The following SCG5 variants were observed in gnomAD, a reference collection of about 807,000 sequenced individuals.
SCG5 encodes the protein secretogranin V, also known as neuroendocrine protein 7B2.
Under a neutral mutation model 25.7 loss-of-function variants are expected in SCG5, and 18 were observed. The observed-to-expected ratio is 0.70, with a 90% confidence interval of 0.48 to 1.04. SCG5 has a LOEUF of 1.04. Ranked by LOEUF, SCG5 falls within the 50% of genes least tolerant of loss-of-function variation. The probability of loss-of-function intolerance (pLI) is 0.00; values close to 1 mark genes in which losing one functional copy is unlikely to be tolerated. For missense variants in SCG5, 206 were observed against 259.8 expected, an observed-to-expected ratio of 0.79 and a Z score of 1.42; for synonymous variants, 101 against 91.7, an observed-to-expected ratio of 1.10 and a Z score of -0.58.
chr15:32,672,855 A>T (rs1475305750), intron 2 of SCG5: 1 of 150,712 alleles, frequency 6.6e-6, no homozygotes, highest in Non-Finnish European at 1.5e-5. Flanking sequence ...TACTGACCTC[A>T]CTAGGACGTT....
At chr15:32,686,357 A>G (rs1216728124) in intron 4 of SCG5, among the ~76,000 whole-genome samples, 1 of 152,230 alleles carries the variant, frequency 6.6e-6, no homozygotes, top group Non-Finnish European at 1.5e-5. Context: ...CTAGACAGGA[A>G]GAAAATATGG....
chr15:32,654,277 G>T (rs1174771047), intron 2 of SCG5, among the ~76,000 whole-genome samples: 2 of 152,224 alleles, frequency 1.3e-5, no homozygotes, highest in African/African-American at 4.8e-5. Context: ...TTCCGTGCCT[G>T]GGGAGAGACT....
chr15:32,691,450 G>A (rs546741692), intron 4 of SCG5, among the ~76,000 whole-genome samples: 24 of 152,162 alleles, frequency 1.6e-4, no homozygotes, highest in Non-Finnish European at 2.1e-4. Flanking sequence ...TTAAAATGTC[G>A]TATTTCCCTG....
chr15:32,670,659 A>G (rs1004633839), intron 2 of SCG5, among the ~76,000 whole-genome samples: 1 of 152,236 alleles, frequency 6.6e-6, no homozygotes, highest in Non-Finnish European at 1.5e-5. Context: ...GCTAGTGCTC[A>G]TGATCTCTTC....
In SCG5 at chr15:32,696,547, G is replaced by T; in HGVS notation, c.577G>T (p.Asp193Tyr). ...VNPYLQGQRL[D>Y]NVVAKKSVPH... ...TCCATATCTACAAGGACAGAGACTG[G>T]ATAATGTTGTTGCAAAGAAGTCTGT... is the stretch of plus-strand genomic sequence containing the variant. The change falls in exon 6 of 6, where the codon GAT becomes TAT. Residue 193 changes from aspartate to tyrosine, a missense_variant. Coordinates refer to ENST00000300175, the MANE Select transcript of SCG5 (RefSeq NM_001144757.3). The T allele has an allele frequency of 6.2e-7, 1 of 1,613,018 alleles. No homozygotes were observed. Among genetic ancestry groups the T allele is most frequent in the Non-Finnish European group, 8.5e-7 (1 of 1,179,408 alleles).
At chr15:32,684,946 A>G (rs1008500511) in intron 4 of SCG5, among the ~76,000 whole-genome samples, 3 of 152,194 alleles carry the variant, frequency 2.0e-5, no homozygotes, top group Non-Finnish European at 2.9e-5. Context: ...AGCCTGTGTC[A>G]TACACATCCT....
Position 32,679,891 on chromosome 15 carries a change from A to C in SCG5, c.352A>C (p.Asn118His), listed in dbSNP as rs1370824563. 3 of 1,613,712 alleles carry C rather than the reference A, an allele frequency of 1.9e-6. No homozygotes were observed. Among genetic ancestry groups the C allele is most frequent in the East Asian group, 2.2e-5 (1 of 44,876 alleles). Residue 118 changes from asparagine to histidine, a missense_variant, in exon 3 of 6, where the codon AAT becomes CAT. Transcript: ENST00000300175. ...SEDQGYPDPP[N>H]PCPVGKTADD... is the part of the protein sequence containing the mutation. The stretch of plus-strand genomic sequence containing the variant: ...GGATCAGGGGTACCCAGACCCTCCA[A>C]ATCCCTGTCCTGTTGGAAAAACAGG...
intron 4 of SCG5, among the ~76,000 whole-genome samples, chr15:32,688,123 A>T (rs1186322503): frequency 6.6e-6 from 1 of 152,144 alleles, no homozygotes; most frequent in Non-Finnish European, 1.5e-5. Context: ...TACAAGCTGA[A>T]TACATTCCCT....
chr15:32,686,191 A>G (rs1477772667), intron 4 of SCG5, among the ~76,000 whole-genome samples: 2 of 152,234 alleles, frequency 1.3e-5, no homozygotes, highest in East Asian at 3.9e-4. Flanking sequence ...TTGTGGAGCC[A>G]CTTTCAAGCC....
In SCG5 at chr15:32,684,649, T is replaced by C. The variant is rs767985368; in HGVS notation, c.469T>C (p.Tyr157His). The C allele has an allele frequency of 1.9e-6, 3 of 1,613,156 alleles. No individual in the cohort carries two copies. Among genetic ancestry groups the C allele is most frequent in the Non-Finnish European group, 1.7e-6 (2 of 1,179,264 alleles). ...HQHLFDPEHD[Y>H]PGLGKWNKKL... Reference sequence around the variant, plus strand: ...GCATCTCTTTGATCCGGAACATGACTATCCAGGCTTGGGCAAGTGGGTAAG... The same window carrying C: ...GCATCTCTTTGATCCGGAACATGACCATCCAGGCTTGGGCAAGTGGGTAAG... Residue 157 changes from tyrosine to histidine, a missense_variant, in exon 4 of 6, where the codon TAT becomes CAT. Coordinates refer to ENST00000300175, the MANE Select transcript of SCG5 (RefSeq NM_001144757.3).
chr15:32,673,079 C>T (rs1426430161), intron 2 of SCG5: 14 of 152,178 alleles, frequency 9.2e-5, no homozygotes, highest in Admixed American at 9.2e-4. Context: ...CAACGGACAT[C>T]GCTTATACTA....
intron 4 of SCG5, among the ~76,000 whole-genome samples, chr15:32,686,493 A>C (rs1795059175): frequency 6.6e-6 from 1 of 152,208 alleles, no homozygotes; most frequent in Non-Finnish European, 1.5e-5. Context: ...AAGAAAGAAG[A>C]GATATGTCAG....
At chr15:32,658,148 A>G (rs2054156444) in intron 2 of SCG5, among the ~76,000 whole-genome samples, 1 of 152,126 alleles carries the variant, frequency 6.6e-6, no homozygotes, top group Non-Finnish European at 1.5e-5. Context: ...ATACAAACTG[A>G]TATCCAGGGA....
chr15:32,695,173 G>A (rs1284973058), intron 5 of SCG5, among the ~76,000 whole-genome samples: 15 of 151,928 alleles, frequency 9.9e-5, no homozygotes, highest in African/African-American at 2.9e-4. Context: ...CCACCACCAC[G>A]ACTGGCTAAT....
intron 2 of SCG5, among the ~76,000 whole-genome samples, chr15:32,656,827 G>A (rs553050499): frequency 2.9e-4 from 44 of 152,236 alleles, no homozygotes; most frequent in Admixed American, 4.6e-4. Context: ...CCACAATTTC[G>A]CACCGCAAAT....
At chr15:32,651,113 C>G (rs538930484) in intron 2 of SCG5, among the ~76,000 whole-genome samples, 1 of 152,156 alleles carries the variant, frequency 6.6e-6, no homozygotes, top group Non-Finnish European at 1.5e-5. Flanking sequence ...GCAGGAGAAT[C>G]GCTTGAACCC....
At chr15:32,663,061 ATATATATATAT>A (rs1567076433) in intron 2 of SCG5, among the ~76,000 whole-genome samples, 9 of 68,842 alleles carry the variant, frequency 1.3e-4, no homozygotes, top group African/African-American at 2.2e-4. Context: ...ATATATATAT[ATATATATATAT>A]ATATATAATA....
chr15:32,694,011 G>A (rs2054911663), intron 5 of SCG5, among the ~76,000 whole-genome samples: 1 of 152,154 alleles, frequency 6.6e-6, no homozygotes, highest in African/African-American at 2.4e-5. Flanking sequence ...TCGGGAGGCT[G>A]AGGCAGGAGA....
intron 1 of SCG5, among the ~76,000 whole-genome samples, chr15:32,643,064 G>T (rs2053891419): frequency 6.6e-6 from 1 of 152,130 alleles, no homozygotes; most frequent in Non-Finnish European, 1.5e-5. Context: ...GATCGCAAAC[G>T]TATTGGATGT....
Sources: allele counts gnomAD v4.1 joint callset (sites outside exome capture counted in the v4.1 genomes callset), GRCh38; gene constraint gnomAD v4.1.1; transcripts MANE v1.5; gene names NCBI Gene and HGNC (gene_info 2026-07-23, HGNC 2026-07-21).